Variants in GALNT13 observed in about 807,000 individuals in gnomAD.
GALNT13 encodes polypeptide N-acetylgalactosaminyltransferase 13.
GALNT13 carries 28 observed loss-of-function variants against 64.2 expected under a neutral mutation model. The observed-to-expected ratio is 0.44, with a 90% CI of 0.32 to 0.60. The LOEUF (loss-of-function observed/expected upper bound fraction) is 0.60, where lower values mean the gene tolerates loss of function less well. GALNT13 is among the 20% of genes least tolerant of loss of function. The probability of loss-of-function intolerance (pLI) is 0.05; values close to 1 mark genes in which losing one functional copy is unlikely to be tolerated. For missense variants in GALNT13, 577 were observed against 669.8 expected (o/e 0.86, Z 1.53); for synonymous variants, 214 against 224.6 (o/e 0.95, Z 0.42).
At chr2:154,404,326 G>A (rs999633884) in intron 10 of GALNT13, among the ~76,000 whole-genome samples, 2 of 152,084 alleles carry the variant, frequency 1.3e-5, no homozygotes, top group African/African-American at 4.8e-5. Flanking sequence ...CATTATGTGT[G>A]AATCTCTGAA....
At chr2:153,418,280 T>TC in the GALNT13 span, among the ~76,000 whole-genome samples, 4 of 151,654 alleles carry the variant, frequency 2.6e-5, no homozygotes, top group Non-Finnish European at 5.9e-5. Flanking sequence ...GGAAACAAAT[T>TC]CCCCCCTAGC....
intron 4 of GALNT13, among the ~76,000 whole-genome samples, chr2:154,205,418 A>G (rs1293893316): frequency 1.3e-5 from 2 of 152,236 alleles, no homozygotes; most frequent in Non-Finnish European, 2.9e-5. Flanking sequence ...TGCTGTAAGT[A>G]TAAAATATAT....
the GALNT13 span, among the ~76,000 whole-genome samples, chr2:153,078,318 CTT>C: frequency 1.5e-5 from 2 of 133,992 alleles, no homozygotes; most frequent in Non-Finnish European, 3.2e-5. Flanking sequence ...CCTTTTCATT[CTT>C]TTTTTTTTTT....
chr2:153,842,591 G>GT, the GALNT13 span, among the ~76,000 whole-genome samples: 81 of 149,690 alleles, frequency 5.4e-4, no homozygotes, highest in East Asian at 4.7e-3. Context: ...AGTAAAACTA[G>GT]TTTTTTTTTT....
intron 4 of GALNT13, among the ~76,000 whole-genome samples, chr2:154,232,550 G>A (rs1351551498): frequency 6.6e-6 from 1 of 152,006 alleles, no homozygotes; most frequent in Admixed American, 6.6e-5. Flanking sequence ...TTACCATGTG[G>A]CTTAGTTAAG....
the GALNT13 span, among the ~76,000 whole-genome samples, chr2:153,527,655 A>T: frequency 6.6e-6 from 1 of 152,266 alleles, no homozygotes; most frequent in Middle Eastern, 3.4e-3. Flanking sequence ...TGTGGTGTGT[A>T]AACTACTACC....
At chr2:153,614,944 T>A in the GALNT13 span, among the ~76,000 whole-genome samples, 215 of 152,208 alleles carry the variant, frequency 1.4e-3, no homozygotes, top group African/African-American at 5.0e-3. Flanking sequence ...ATAGTAACCC[T>A]GTTGTGTTAT....
At chr2:154,135,389 T>A (rs1443823406) in intron 3 of GALNT13, among the ~76,000 whole-genome samples, 1 of 152,184 alleles carries the variant, frequency 6.6e-6, no homozygotes, top group Non-Finnish European at 1.5e-5. Context: ...TAGTAGCTAA[T>A]ATATGCTAGA....
intron 9 of GALNT13, among the ~76,000 whole-genome samples, chr2:154,341,975 A>G (rs1051213934): frequency 1.3e-5 from 2 of 152,056 alleles, no homozygotes; most frequent in Admixed American, 1.3e-4. Context: ...TTTAAATATG[A>G]CTCAAAGTTT....
At chr2:153,771,027 G>A in the GALNT13 span, among the ~76,000 whole-genome samples, 1 of 152,198 alleles carries the variant, frequency 6.6e-6, no homozygotes, top group Non-Finnish European at 1.5e-5. Flanking sequence ...ATATGTCTGG[G>A]TGTCAAGCGG....
chr2:153,181,026 G>GTT, the GALNT13 span, among the ~76,000 whole-genome samples: 1 of 24,778 alleles, frequency 4.0e-5, no homozygotes, highest in Non-Finnish European at 7.9e-5. Context: ...GGTTTTTATT[G>GTT]TTTCTTTTTT....
rs1026881310 is a variant in GALNT13, at chr2:154,452,474, T to G, written c.*1923T>G. ...GCATTATTACTTAAGTTGAAAAAGC[T>G]TCAACTCTCAAGGACTCATGTATAC... is the stretch of plus-strand genomic sequence containing the variant. On this transcript the variant is annotated 3_prime_UTR_variant, in exon 13 of 13. Transcript: ENST00000392825. 19 of 152,262 alleles carry G rather than the reference T, an allele frequency of 1.2e-4. No individual in the cohort carries two copies. Among genetic ancestry groups the G allele is most frequent in the African/African-American group, 4.3e-4 (18 of 41,560 alleles). 9.4% of individuals were successfully genotyped at this position (152,262 alleles called of 1,614,324 possible). A position where few individuals can be genotyped will look rare whatever the true frequency, so the allele number is the denominator to read the frequency against.
the GALNT13 span, among the ~76,000 whole-genome samples, chr2:153,449,489 A>G: frequency 2.6e-5 from 4 of 151,964 alleles, no homozygotes; most frequent in East Asian, 1.9e-4. Context: ...GCTCCCTTCC[A>G]TTGTCCCTCC....
At chr2:153,344,634 G>C in the GALNT13 span, among the ~76,000 whole-genome samples, 2 of 152,236 alleles carry the variant, frequency 1.3e-5, no homozygotes, top group African/African-American at 4.8e-5. Flanking sequence ...CAGTAGAAAA[G>C]TTATAATTAT....
chr2:154,133,534 T>TTATATATATA (rs201083794), intron 3 of GALNT13, among the ~76,000 whole-genome samples: 95 of 77,180 alleles, frequency 1.2e-3, no homozygotes, highest in Admixed American at 1.8e-3. Context: ...ACAGACCATT[T>TTATATATATA]TATATATATA....
chr2:153,784,632 C>T, the GALNT13 span, among the ~76,000 whole-genome samples: 24 of 152,154 alleles, frequency 1.6e-4, no homozygotes, highest in African/African-American at 2.7e-4. Flanking sequence ...TTTAAATACC[C>T]GGGCTTCCCA....
intron 11 of GALNT13, among the ~76,000 whole-genome samples, chr2:154,413,524 T>C (rs1480514676): frequency 1.3e-5 from 2 of 152,140 alleles, no homozygotes; most frequent in Non-Finnish European, 2.9e-5. Flanking sequence ...TCCTATGATA[T>C]ACAAAACCCC....
chr2:153,438,086 G>T, the GALNT13 span, among the ~76,000 whole-genome samples: 1 of 152,138 alleles, frequency 6.6e-6, no homozygotes, highest in South Asian at 2.1e-4. Flanking sequence ...CACTTATGAA[G>T]CTTAGTTTGG....
intron 4 of GALNT13, among the ~76,000 whole-genome samples, chr2:154,177,885 C>A (rs1685740925): frequency 6.6e-6 from 1 of 151,980 alleles, no homozygotes; most frequent in South Asian, 2.1e-4. Flanking sequence ...TTTGAAGGGC[C>A]AAGGACACAC....
Sources: allele counts gnomAD v4.1 joint callset (sites outside exome capture counted in the v4.1 genomes callset), GRCh38; gene constraint gnomAD v4.1.1; transcripts MANE v1.5; gene names NCBI Gene and HGNC (gene_info 2026-07-23, HGNC 2026-07-21).